The following ROBO2 variants were observed in gnomAD, a reference collection of about 807,000 sequenced individuals.
ROBO2 encodes roundabout homolog 2.
A neutral mutation model predicts 160.8 loss-of-function variants in ROBO2; 53 were observed. The observed-to-expected ratio is 0.33, with a 90% CI of 0.26 to 0.41. The LOEUF (loss-of-function observed/expected upper bound fraction) is 0.41. ROBO2 is among the 10% of genes least tolerant of loss of function. ROBO2 has a pLI of 1.00. For missense variants in ROBO2, 1,577 were observed against 1,722.4 expected, an observed-to-expected ratio of 0.92 and a Z score of 1.49; for synonymous variants, 664 against 611.7, an observed-to-expected ratio of 1.09 and a Z score of -1.26.
chr3:77,614,748 ACC>A (rs751747681), intron 21 of ROBO2, among the ~76,000 whole-genome samples: 5,357 of 145,622 alleles, frequency 0.037, 157 homozygotes, highest in African/African-American at 0.09. Context: ...CAACCAACCA[ACC>A]AACCAAACAA....
chr3:76,805,003 C>CT (rs1317569040), intron 2 of ROBO2, among the ~76,000 whole-genome samples: 1 of 152,054 alleles, frequency 6.6e-6, no homozygotes, highest in Non-Finnish European at 1.5e-5. Context: ...TGATAACCAC[C>CT]TTTTTTGTGA....
intron 2 of ROBO2, among the ~76,000 whole-genome samples, chr3:76,749,875 G>C (rs2093952762): frequency 6.6e-6 from 1 of 152,046 alleles, no homozygotes. Flanking sequence ...GGTGCAAAGA[G>C]GAGCTGGTAC....
At chr3:76,966,030 C>T (rs372562107) in intron 2 of ROBO2, among the ~76,000 whole-genome samples, 1 of 148,290 alleles carries the variant, frequency 6.7e-6, no homozygotes, top group East Asian at 2.0e-4. Flanking sequence ...TCAAGTGCTT[C>T]TCCTGCCTCA....
intron 2 of ROBO2, among the ~76,000 whole-genome samples, chr3:76,172,370 C>T (rs1033143328): frequency 6.8e-6 from 1 of 147,028 alleles, no homozygotes; most frequent in African/African-American, 2.5e-5. Flanking sequence ...ACATGGCACA[C>T]ATGTATACAT....
rs544243276 is a variant in ROBO2 at position 76,036,093 on chromosome 3, T to C, written c.109+98491T>C. ...ACCATTTTTATAAACTTCTACACAT[T>C]TCTTTGGTGTAGGGATGATGTCGTG... On this transcript the variant is annotated intron_variant, in intron 2 of 26. Coordinates refer to the ROBO2 transcript ENST00000487694. Among the ~76,000 whole-genome samples, 12 of 152,138 alleles carry C rather than the reference T, an allele frequency of 7.9e-5. No individual in the cohort carries two copies. The South Asian group carries it at 2.1e-3, about 26-fold the overall frequency.
chr3:76,726,813 A>T (rs1434966258), intron 2 of ROBO2, among the ~76,000 whole-genome samples: 4 of 152,226 alleles, frequency 2.6e-5, no homozygotes, highest in Non-Finnish European at 5.9e-5. Flanking sequence ...GAATGAAGGA[A>T]TGAATTCCAG....
At chr3:76,629,079 A>G (rs188600007) in intron 2 of ROBO2, among the ~76,000 whole-genome samples, 42 of 152,300 alleles carry the variant, frequency 2.8e-4, no homozygotes, top group African/African-American at 9.6e-4. Flanking sequence ...CTTGAAACCA[A>G]CATCACACAT....
At chr3:76,508,594 TAATC>T (rs1405069986) in intron 2 of ROBO2, among the ~76,000 whole-genome samples, 1 of 152,164 alleles carries the variant, frequency 6.6e-6, no homozygotes, top group East Asian at 1.9e-4. Flanking sequence ...AAATAATCAT[TAATC>T]TATTTATTTT....
intron 2 of ROBO2, among the ~76,000 whole-genome samples, chr3:76,642,795 C>A (rs953572253): frequency 2.0e-5 from 3 of 152,034 alleles, no homozygotes; most frequent in Non-Finnish European, 4.4e-5. Flanking sequence ...AATTGTCCAC[C>A]AAATACGTAA....
At chr3:77,440,701 C>T (rs1340281733) in intron 2 of ROBO2, among the ~76,000 whole-genome samples, 2 of 152,268 alleles carry the variant, frequency 1.3e-5, no homozygotes, top group East Asian at 3.9e-4. Context: ...TATGTGAAAG[C>T]TCAATTTTAT....
At chr3:76,245,008 T>C (rs563664387) in intron 2 of ROBO2, among the ~76,000 whole-genome samples, 3 of 151,958 alleles carry the variant, frequency 2.0e-5, no homozygotes, top group Non-Finnish European at 4.4e-5. Flanking sequence ...GCTTACAAAT[T>C]CACCGATGAA....
At chr3:76,263,431 T>C (rs1481003274) in intron 2 of ROBO2, among the ~76,000 whole-genome samples, 2 of 152,048 alleles carry the variant, frequency 1.3e-5, no homozygotes, top group African/African-American at 2.4e-5. Flanking sequence ...CTGTGTCGCC[T>C]AGGCTGATCT....
intron 2 of ROBO2, among the ~76,000 whole-genome samples, chr3:76,234,445 C>T (rs1014764377): frequency 6.6e-6 from 1 of 152,066 alleles, no homozygotes; most frequent in African/African-American, 2.4e-5. Context: ...TTTGCCATTA[C>T]TTTTAGTGGC....
At chr3:77,645,001 C>T (rs1397376772) in intron 25 of ROBO2, 97 bp downstream of exon 27, 3 of 1,273,642 alleles carry the variant, frequency 2.4e-6, no homozygotes, top group Non-Finnish European at 3.4e-6. Flanking sequence ...TAATAGAAAA[C>T]TTGCTCTGTT....
chr3:75,916,025 A>C (rs541571826), intron 1 of ROBO2, among the ~76,000 whole-genome samples: 2 of 152,198 alleles, frequency 1.3e-5, no homozygotes, highest in Non-Finnish European at 2.9e-5. Flanking sequence ...AGAGCTGATA[A>C]ATTTTCAAAA....
At chr3:77,301,051 T>C (rs2062612130) in intron 2 of ROBO2, among the ~76,000 whole-genome samples, 1 of 150,282 alleles carries the variant, frequency 6.7e-6, no homozygotes, top group Non-Finnish European at 1.5e-5. Context: ...GTATTTTTAG[T>C]AGAGACAGGG....
chr3:77,582,357 TC>T (rs2093941652), intron 16 of ROBO2, among the ~76,000 whole-genome samples: 1 of 152,106 alleles, frequency 6.6e-6, no homozygotes, highest in Non-Finnish European at 1.5e-5. Flanking sequence ...CACCTTGGCC[TC>T]CCAGGCATGA....
At chr3:77,438,587 T>C (rs1193410318) in intron 2 of ROBO2, among the ~76,000 whole-genome samples, 1 of 151,662 alleles carries the variant, frequency 6.6e-6, no homozygotes, top group Admixed American at 6.6e-5. Flanking sequence ...TGTATATATA[T>C]TGTGTATATT....
chr3:76,757,787 C>G (rs13066841), intron 2 of ROBO2, among the ~76,000 whole-genome samples: 4,519 of 151,678 alleles, frequency 0.03, 78 homozygotes, highest in Non-Finnish European at 0.048. Flanking sequence ...TTCTAAACCA[C>G]AGAGTTCACT....
Sources: gnomAD v4.1 joint callset for allele counts (sites outside exome capture counted in the v4.1 genomes callset) on GRCh38, gnomAD v4.1.1 for gene constraint, MANE v1.5 for transcripts, NCBI Gene and HGNC (gene_info 2026-07-23, HGNC 2026-07-21) for gene names.